SCAPER: variants seen among roughly 807,000 people sequenced by gnomAD.
SCAPER encodes S-phase cyclin A associated protein in the ER.
A neutral mutation model predicts 182.2 loss-of-function variants in SCAPER; 98 were observed. The observed-to-expected ratio is 0.54, with a 90% confidence interval of 0.46 to 0.64. SCAPER has a LOEUF of 0.64. Among genes scored for constraint, SCAPER ranks in the 30% least tolerant of loss-of-function variants. SCAPER has a pLI of 0.00. For missense variants in SCAPER, 1,432 were observed against 1,690.0 expected (o/e 0.85, Z 2.68); for synonymous variants, 605 against 564.6 (o/e 1.07, Z -1.01).
intron 21 of SCAPER, among the ~76,000 whole-genome samples, chr15:76,627,176 G>C (rs1327275237): frequency 6.6e-6 from 1 of 151,818 alleles, no homozygotes; most frequent in Non-Finnish European, 1.5e-5. Flanking sequence ...ATATATGTAT[G>C]CTCCATTTTA....
intron 29 of SCAPER, among the ~76,000 whole-genome samples, chr15:76,362,073 A>G (rs997220041): frequency 9.9e-5 from 15 of 151,988 alleles, no homozygotes; most frequent in African/African-American, 3.6e-4. Context: ...CCCGGGTTCA[A>G]GCGATTCTCC....
At chr15:76,574,378 A>T in intron 22 of SCAPER, 94 bp from the exon 23 acceptor site, 1 of 1,411,480 alleles carries the variant, frequency 7.1e-7, no homozygotes, top group Non-Finnish European at 9.5e-7. Flanking sequence ...TACTTTCAGT[A>T]TTGGATTTGA....
intron 5 of SCAPER, among the ~76,000 whole-genome samples, chr15:76,830,128 G>A (rs548975269): frequency 2.7e-4 from 41 of 152,078 alleles, no homozygotes; most frequent in African/African-American, 8.7e-4. Context: ...TGTTCTGGGC[G>A]GAAAAATTAG....
At chr15:76,675,974 G>A (rs879577430) in intron 20 of SCAPER, among the ~76,000 whole-genome samples, 5 of 151,954 alleles carry the variant, frequency 3.3e-5, no homozygotes, top group Admixed American at 2.6e-4. Context: ...ACAGGCGCCC[G>A]CCACCATGCC....
intron 5 of SCAPER, among the ~76,000 whole-genome samples, chr15:76,808,851 G>A (rs369649179): frequency 4.6e-5 from 7 of 152,312 alleles, no homozygotes; most frequent in African/African-American, 1.4e-4. Flanking sequence ...GTCTGAACAA[G>A]AATATGGCAT....
chr15:76,379,168 C>A (rs1257010310), intron 28 of SCAPER, among the ~76,000 whole-genome samples: 2 of 152,170 alleles, frequency 1.3e-5, no homozygotes, highest in Admixed American at 1.3e-4. Flanking sequence ...TAGGTCCCCT[C>A]ACATGCTGAT....
intron 10 of SCAPER, among the ~76,000 whole-genome samples, chr15:76,769,442 C>CAAAAAAAAA (rs36078656): frequency 1.4e-5 from 1 of 69,956 alleles, no homozygotes; most frequent in Non-Finnish European, 2.8e-5. Flanking sequence ...GACTCTGTCT[C>CAAAAAAAAA]AAAAAAAAAA....
intron 26 of SCAPER, among the ~76,000 whole-genome samples, chr15:76,407,219 T>C (rs2044915885): frequency 6.6e-6 from 1 of 152,228 alleles, no homozygotes; most frequent in Non-Finnish European, 1.5e-5. Flanking sequence ...CTATATGGGA[T>C]AGCCTATTGT....
chr15:76,841,795 C>A lies in SCAPER; in HGVS notation c.332G>T (p.Arg111Leu), dbSNP rs1299479056. Reference protein sequence around the residue: ...RYWAFLFDNLRRAVDEIYVTC... With the variant: ...RYWAFLFDNLLRAVDEIYVTC... Reference sequence around the variant, plus strand: ...TACATAGATTTCATCTACTGCTCGGCGAAGATTATCAAAAAGAAATGCCCA... The same window carrying A: ...TACATAGATTTCATCTACTGCTCGGAGAAGATTATCAAAAAGAAATGCCCA... Residue 111 changes from arginine (R) to leucine (L), a missense_variant, in exon 5 of 32, where the codon CGC becomes CTC. By Grantham distance (102) the Arg-to-Leu change is moderately radical (BLOSUM62 -2). Coordinates refer to ENST00000563290, the MANE Select transcript of SCAPER (RefSeq NM_020843.4). The A allele has an allele frequency of 6.2e-7, 1 of 1,613,882 alleles. No homozygotes were observed. Among genetic ancestry groups the A allele is most frequent in the Admixed American group, 1.7e-5 (1 of 59,964 alleles).
intron 8 of SCAPER, 48 bp downstream of exon 8, chr15:76,795,232 T>C (rs750087972): frequency 8.3e-6 from 13 of 1,557,772 alleles, no homozygotes; most frequent in Non-Finnish European, 1.1e-5. Flanking sequence ...AGTATCTCTA[T>C]ATATCCACCT....
chr15:76,879,445 C>T (rs1470102986), intron 2 of SCAPER, among the ~76,000 whole-genome samples: 2 of 152,172 alleles, frequency 1.3e-5, no homozygotes, highest in Non-Finnish European at 2.9e-5. Flanking sequence ...GTGATCAAAA[C>T]TTAGGATCTC....
chr15:76,524,689 G>GTTTTTTTTTTTTT lies in SCAPER; in HGVS notation c.2839-19728_2839-19716dup, dbSNP rs35944222. Among the ~76,000 whole-genome samples, 134 of 50,114 alleles carry GTTTTTTTTTTTTT rather than the reference G, an allele frequency of 2.7e-3. 1 individual carries two copies. Among genetic ancestry groups the GTTTTTTTTTTTTT allele is most frequent in the Admixed American group, 3.5e-3 (13 of 3,732 alleles). 32.9% of individuals were successfully genotyped at this position (50,114 alleles called of 152,430 possible). A position where few individuals can be genotyped will look rare whatever the true frequency, so the allele number is the denominator to read the frequency against. On this transcript the variant is annotated intron_variant, in intron 23 of 31. Coordinates refer to ENST00000563290, the MANE Select transcript of SCAPER (RefSeq NM_020843.4). ...TTCTGGAGTTGTGTTTTTTTGTTCT[G>GTTTTTTTTTTTTT]TTTTTTTTTTTTTTTTTTTTTTTTT...
At chr15:76,719,992 A>C (rs1349054674) in intron 17 of SCAPER, among the ~76,000 whole-genome samples, 1 of 151,686 alleles carries the variant, frequency 6.6e-6, no homozygotes, top group Non-Finnish European at 1.5e-5. Flanking sequence ...GGTTTGTTAC[A>C]TATGTATACA....
At chr15:76,637,498 A>T (rs1481592872) in intron 21 of SCAPER, among the ~76,000 whole-genome samples, 2 of 151,798 alleles carry the variant, frequency 1.3e-5, no homozygotes, top group East Asian at 1.9e-4. Flanking sequence ...GGAGTTTGAG[A>T]CCAGCCTGGG....
chr15:76,375,643 A>G (rs2141887599), intron 29 of SCAPER, among the ~76,000 whole-genome samples: 1 of 152,346 alleles, frequency 6.6e-6, no homozygotes, highest in South Asian at 2.1e-4. Flanking sequence ...TTTTATTTTT[A>G]TAGCTCTAAG....
chr15:76,652,371 C>CACACATATATATATATATATATAT (rs764864981), intron 21 of SCAPER, among the ~76,000 whole-genome samples: 1 of 8,060 alleles, frequency 1.2e-4, no homozygotes, highest in African/African-American at 5.2e-4. Flanking sequence ...CACACACACA[C>CACACATATATATATATATATATAT]ATATATATAT....
At chr15:76,352,769 A>C (rs2040667616) in intron 30 of SCAPER, among the ~76,000 whole-genome samples, 1 of 152,096 alleles carries the variant, frequency 6.6e-6, no homozygotes, top group Non-Finnish European at 1.5e-5. Context: ...TTTTCTATTT[A>C]ATTTAATCCT....
rs755034792 is a variant in SCAPER at position 76,574,272 on chromosome 15, T to C, written c.2724A>G (p.Leu908=). The change falls in exon 23 of 32, where the codon TTA becomes TTG. Residue 908 remains leucine (L), a synonymous_variant. Coordinates refer to ENST00000563290, the MANE Select transcript of SCAPER (RefSeq NM_020843.4). ...DSPYKAKLQR[L]AKDLLKQVQV... ...GTACTTGTTTTAGAAGATCTTTGGC[T>C]AATCGCTGAAGCCTTTAATACCAAA... 2 of 1,611,398 alleles carry C rather than the reference T, an allele frequency of 1.2e-6. No homozygotes were observed. Among genetic ancestry groups the C allele is most frequent in the Admixed American group, 3.3e-5 (2 of 59,724 alleles).
At chr15:76,789,948 G>T (rs2064880951) in intron 8 of SCAPER, among the ~76,000 whole-genome samples, 1 of 152,160 alleles carries the variant, frequency 6.6e-6, no homozygotes. Context: ...CATCAATGGG[G>T]CCGGGCGCGG....
Sources: gnomAD v4.1 joint callset for allele counts (sites outside exome capture counted in the v4.1 genomes callset) on GRCh38, gnomAD v4.1.1 for gene constraint, MANE v1.5 for transcripts, NCBI Gene and HGNC (gene_info 2026-07-23, HGNC 2026-07-21) for gene names.